CLEC16A: variants seen among roughly 807,000 people sequenced by gnomAD.
CLEC16A encodes the protein protein CLEC16A.
Under a neutral mutation model 109.5 loss-of-function variants are expected in CLEC16A, and 51 were observed. The observed-to-expected ratio is 0.47, with a 90% CI of 0.37 to 0.59. The LOEUF (loss-of-function observed/expected upper bound fraction) is 0.59, where lower values mean the gene tolerates loss of function less well. Ranked by LOEUF, CLEC16A falls within the 20% of genes least tolerant of loss-of-function variation. CLEC16A has a pLI of 0.00. For missense variants in CLEC16A, 1,339 were observed against 1,394.0 expected (o/e 0.96, Z 0.63); for synonymous variants, 673 against 564.2 (o/e 1.19, Z -2.73).
At chr16:11,048,905 G>A (rs2047778596) in intron 17 of CLEC16A, among the ~76,000 whole-genome samples, 1 of 151,814 alleles carries the variant, frequency 6.6e-6, no homozygotes, top group South Asian at 2.1e-4. Context: ...AGGCTTCTAT[G>A]GCACTTGACC....
At position 10,956,737 on chromosome 16, in the gene CLEC16A, C is replaced by T. The variant is rs920787043; in HGVS notation, c.81-1045C>T. 2.0e-5 allele frequency among the ~76,000 whole-genome samples: 3 copies of T among 152,236 alleles called. No homozygotes were observed. In the East Asian group the frequency reaches 5.8e-4, roughly 29 times the overall value. ...GTGTCTACCTGTCTCAGCTCCAGCA[C>T]CTGGCATTCAGGCCTGTTTGGGTAG... On this transcript the variant is annotated intron_variant, in intron 1 of 23. Transcript: ENST00000409790.
chr16:11,129,590 A>G (rs987676243), intron 22 of CLEC16A, among the ~76,000 whole-genome samples: 2 of 152,148 alleles, frequency 1.3e-5, no homozygotes, highest in African/African-American at 2.4e-5. Flanking sequence ...CCTGTAAATC[A>G]CTGTGGCCTT....
At chr16:10,995,805 C>A (rs189918349) in intron 10 of CLEC16A, among the ~76,000 whole-genome samples, 210 of 152,272 alleles carry the variant, frequency 1.4e-3, no homozygotes, top group African/African-American at 4.8e-3. Context: ...TTGTTAGTCA[C>A]CATGGCCTGT....
intron 7 of CLEC16A, 60 bp from the exon 8 acceptor site, chr16:10,977,165 G>A (rs2043069819): frequency 6.6e-7 from 1 of 1,508,530 alleles, no homozygotes; most frequent in Non-Finnish European, 9.1e-7. Context: ...GGCCATTGAT[G>A]TTAGGCTCAA....
At chr16:11,105,766 G>A (rs1040839725) in intron 19 of CLEC16A, among the ~76,000 whole-genome samples, 2 of 152,188 alleles carry the variant, frequency 1.3e-5, no homozygotes, top group Non-Finnish European at 2.9e-5. Context: ...CTCCTGGGCC[G>A]TGTACCAGTC....
At chr16:11,138,598 C>T (rs1042522942) in intron 22 of CLEC16A, among the ~76,000 whole-genome samples, 14 of 152,170 alleles carry the variant, frequency 9.2e-5, no homozygotes, top group African/African-American at 2.4e-4. Context: ...TGCCCGTGGG[C>T]GGATGAGAAA....
intron 20 of CLEC16A, among the ~76,000 whole-genome samples, chr16:11,121,514 G>T (rs1487263705): frequency 6.6e-6 from 1 of 152,076 alleles, no homozygotes; most frequent in African/African-American, 2.4e-5. Flanking sequence ...GCAGAGCTAG[G>T]CTCTAACTTG....
intron 22 of CLEC16A, among the ~76,000 whole-genome samples, chr16:11,142,720 A>G (rs1435758450): frequency 6.6e-6 from 1 of 152,094 alleles, no homozygotes; most frequent in Non-Finnish European, 1.5e-5. Context: ...TGAGTTTGGG[A>G]CTTCTTTAGC....
intron 22 of CLEC16A, among the ~76,000 whole-genome samples, chr16:11,160,379 G>A (rs2054679991): frequency 6.6e-6 from 1 of 152,106 alleles, no homozygotes. Context: ...CTGTGACCAG[G>A]TGTGAACCCA....
chr16:10,985,345 G>A (rs1330514291), intron 10 of CLEC16A, among the ~76,000 whole-genome samples: 1 of 151,844 alleles, frequency 6.6e-6, no homozygotes. Context: ...TTAAAATTTA[G>A]GAAGAAAAGT....
rs200520670 is a variant in CLEC16A, at chr16:11,024,860, G to A, written c.1476G>A (p.Pro492=). The change falls in exon 13 of 24, where the codon CCG becomes CCA. Residue 492 remains proline (P), a synonymous_variant. Coordinates refer to ENST00000409790, the MANE Select transcript of CLEC16A (RefSeq NM_015226.3). ...TGGTGTACCACGCGCTGGACAGCCC[G>A]GATGATGATTACCATGCCCTGTTCG... ...LDMVYHALDS[P]DDDYHALFVL... 19 of 1,609,152 alleles carry A rather than the reference G, an allele frequency of 1.2e-5. No individual in the cohort carries two copies. Among genetic ancestry groups the A allele is most frequent in the East Asian group, 6.7e-5 (3 of 44,774 alleles).
chr16:11,122,293 G>A (rs903236387), intron 20 of CLEC16A, among the ~76,000 whole-genome samples: 12 of 152,154 alleles, frequency 7.9e-5, no homozygotes, highest in Admixed American at 7.9e-4. Flanking sequence ...AACAACTATA[G>A]AAGAATCTTT....
At chr16:11,048,380 C>G (rs1365745167) in intron 17 of CLEC16A, 1 of 152,256 alleles carries the variant, frequency 6.6e-6, no homozygotes, top group Non-Finnish European at 1.5e-5. Flanking sequence ...GCGCGTTTGT[C>G]TCTGTTATCC....
intron 23 of CLEC16A, among the ~76,000 whole-genome samples, chr16:11,176,552 C>T (rs192668899): frequency 1.9e-3 from 287 of 152,232 alleles, no homozygotes; most frequent in Middle Eastern, 3.4e-3. Context: ...GCCTGGGCAA[C>T]GTAATGAGAC....
At chr16:11,142,154 A>G (rs1322485596) in intron 22 of CLEC16A, among the ~76,000 whole-genome samples, 1 of 152,128 alleles carries the variant, frequency 6.6e-6, no homozygotes, top group African/African-American at 2.4e-5. Flanking sequence ...CAGAGAGGTG[A>G]GGTAACTTGC....
intron 18 of CLEC16A, chr16:11,057,179 C>A: frequency 6.5e-6 from 1 of 154,578 alleles, no homozygotes. Context: ...TGGGTTGTGC[C>A]CACATTAAAC....
chr16:11,043,147 A>C (rs1042696002), intron 15 of CLEC16A, among the ~76,000 whole-genome samples: 7 of 152,176 alleles, frequency 4.6e-5, no homozygotes, highest in African/African-American at 9.7e-5. Context: ...GGCCAAGTGC[A>C]GTGGCTCATG....
rs1035089 is a variant in CLEC16A at position 10,954,493 on chromosome 16, A to G, written c.81-3289A>G. 0.61 allele frequency among the ~76,000 whole-genome samples: 92,841 copies of G among 152,042 alleles called. 29,792 individuals are homozygous for G. The highest frequency in any genetic ancestry group is 0.81 in the African/African-American group (33,367 of 41,428). On this transcript the variant is annotated intron_variant, in intron 1 of 23. Transcript: ENST00000409790. This position sits in a 1 kb window ranked among gnomAD's most constrained non-coding sequence, Gnocchi z 4.2. ...ACTTGTATCATACATAGTAACTGCCAAGTTAGTTATCTGTTATCTCCCAAC... is the reference window on the plus strand; with the variant it reads ...ACTTGTATCATACATAGTAACTGCCGAGTTAGTTATCTGTTATCTCCCAAC...
intron 22 of CLEC16A, among the ~76,000 whole-genome samples, chr16:11,161,022 A>C (rs567456891): frequency 6.6e-5 from 10 of 152,376 alleles, no homozygotes; most frequent in Non-Finnish European, 1.2e-4. Context: ...TGTAACTGCA[A>C]CCGAAAGGGA....
Sources: allele counts gnomAD v4.1 joint callset (sites outside exome capture counted in the v4.1 genomes callset), GRCh38; gene constraint gnomAD v4.1.1; non-coding constraint Gnocchi (gnomAD v3.1); transcripts MANE v1.5; gene names NCBI Gene and HGNC (gene_info 2026-07-23, HGNC 2026-07-21).